Variants in PSMA3 observed in about 807,000 individuals in gnomAD.
The protein encoded by PSMA3 is proteasome subunit alpha type-3.
PSMA3 carries 8 observed loss-of-function variants against 40.0 expected under a neutral mutation model. That is an observed-to-expected ratio of 0.20 (90% CI 0.12 to 0.36). PSMA3 has a LOEUF of 0.36. Among genes scored for constraint, PSMA3 ranks in the 10% least tolerant of loss-of-function variants. The probability of loss-of-function intolerance (pLI) is 1.00; values close to 1 mark genes in which losing one functional copy is unlikely to be tolerated. For synonymous variants in PSMA3, 110 were observed against 100.0 expected (o/e 1.10, Z -0.59); for missense variants, 219 against 310.6 (o/e 0.70, Z 2.22).
chr14:58,255,222 T>C (rs1261206969), intron 3 of PSMA3, among the ~76,000 whole-genome samples: 1 of 152,122 alleles, frequency 6.6e-6, no homozygotes, highest in Non-Finnish European at 1.5e-5. Flanking sequence ...GTGAAAAATA[T>C]TTTTATTTAA....
chr14:58,257,637 T>C, intron 3 of PSMA3, 108 bp from the exon 4 acceptor site: 1 of 959,430 alleles, frequency 1.0e-6, no homozygotes, highest in Admixed American at 2.5e-5. Context: ...AAAGTTTATT[T>C]TGAATGGTAA....
chr14:58,261,118 C>T, intron 6 of PSMA3, 98 bp downstream of exon 6: 4 of 781,496 alleles, frequency 5.1e-6, no homozygotes, highest in South Asian at 1.9e-5. Context: ...TAAAAAAAAA[C>T]TCATTCAAGG....
rs1453354137 is a variant in PSMA3 at position 58,244,975 on chromosome 14, C to G, written c.21+34C>G. ...GCTGTCTGTCGGTGTAATAGTTTAACCTAAGGATTGGGGTTGAAGGGAACT... is the reference window on the plus strand; with the variant it reads ...GCTGTCTGTCGGTGTAATAGTTTAAGCTAAGGATTGGGGTTGAAGGGAACT... On this transcript the variant is annotated intron_variant, in intron 1 of 10. Coordinates refer to ENST00000216455, the MANE Select transcript of PSMA3 (RefSeq NM_002788.4). 2.5e-6 allele frequency: 4 copies of G among 1,613,920 alleles called. No individual in the cohort carries two copies. In the Admixed American group the frequency reaches 5.0e-5, roughly 20 times the overall value.
At chr14:58,256,682 G>A (rs142928654) in intron 3 of PSMA3, among the ~76,000 whole-genome samples, 1 of 151,812 alleles carries the variant, frequency 6.6e-6, no homozygotes, top group Non-Finnish European at 1.5e-5. Context: ...AAAGTGCTGG[G>A]ATTACAGGTG....
chr14:58,271,769 G>T (rs1890632584), intron 10 of PSMA3, 82 bp from the exon 11 acceptor site: 7 of 954,056 alleles, frequency 7.3e-6, no homozygotes, highest in Non-Finnish European at 1.2e-5. Flanking sequence ...CTTAATTCAG[G>T]TTGTTGTAGC....
chr14:58,252,134 C>T lies in PSMA3; in HGVS notation c.120C>T (p.Ile40=). The T allele has an allele frequency of 6.2e-7, 1 of 1,610,484 alleles. No individual in the cohort carries two copies. Among genetic ancestry groups the T allele is most frequent in the Non-Finnish European group, 8.5e-7 (1 of 1,178,838 alleles). The change falls in exon 3 of 11, where the codon ATC becomes ATT. Residue 40 remains isoleucine (I), a synonymous_variant. Transcript: ENST00000216455. The stretch of plus-strand genomic sequence containing the variant: ...CTTGTTTCAGTACAGCTATTGGAAT[C>T]AGATGCAAAGATGGTGTTGTCTTTG... The part of the protein sequence containing the change: ...AVENSSTAIG[I]RCKDGVVFGV...
intron 5 of PSMA3, among the ~76,000 whole-genome samples, chr14:58,259,806 G>C (rs545360459): frequency 6.6e-6 from 1 of 152,252 alleles, no homozygotes; most frequent in South Asian, 2.1e-4. Context: ...CACAGGAACT[G>C]GTATGAAAAT....
At chr14:58,251,066 T>C (rs1890000333) in intron 2 of PSMA3, among the ~76,000 whole-genome samples, 1 of 151,964 alleles carries the variant, frequency 6.6e-6, no homozygotes, top group Admixed American at 6.6e-5. Flanking sequence ...CAATTCAATC[T>C]TGGGCAGCAT....
At chr14:58,267,641 G>T in intron 8 of PSMA3, 121 bp downstream of exon 8, 2 of 1,269,868 alleles carry the variant, frequency 1.6e-6, no homozygotes, top group South Asian at 2.7e-5. Context: ...ATTTTTAGAA[G>T]GTAAATTTAA....
chr14:58,267,509 A>T lies in PSMA3; in HGVS notation c.579A>T (p.Glu193Asp). Reference protein sequence around the residue: ...KEMTCRDIVKEVAKIIYIVHD... With the variant: ...KEMTCRDIVKDVAKIIYIVHD... The stretch of plus-strand genomic sequence containing the variant: ...TGACCTGCCGTGATATCGTTAAAGA[A>T]GTTGCAAAAATGTAAGTTGAAATTT... Residue 193 changes from glutamate (E) to aspartate (D), a missense_variant, in exon 8 of 11, where the codon GAA becomes GAT. Physicochemically the swap from Glu to Asp is conservative, Grantham distance 45. Transcript: ENST00000216455. The T allele has an allele frequency of 6.3e-7, 1 of 1,576,432 alleles. No individual in the cohort carries two copies. The highest frequency in any genetic ancestry group is 8.6e-7 in the Non-Finnish European group (1 of 1,165,328).
rs113681201 is a variant in PSMA3, at chr14:58,262,518, GAGA to G, written c.478-1184_478-1182del. Among the ~76,000 whole-genome samples, 547 of 151,896 alleles carry G rather than the reference GAGA, an allele frequency of 3.6e-3. 6 individuals are homozygous for G. The highest frequency in any genetic ancestry group is 0.012 in the African/African-American group (484 of 41,464). ...ACCTTGCCCTGCCTTCCCTTTTAAAGAGAAGGTTTAAATGTGATTTCTAAGAGC... is the reference window on the plus strand; with the variant it reads ...ACCTTGCCCTGCCTTCCCTTTTAAAGAGGTTTAAATGTGATTTCTAAGAGC... On this transcript the variant is annotated intron_variant, in intron 6 of 10. Coordinates refer to ENST00000216455, the MANE Select transcript of PSMA3 (RefSeq NM_002788.4).
At chr14:58,260,838 T>C (rs975414526) in intron 5 of PSMA3, 110 bp from the exon 6 acceptor site, 32 of 679,234 alleles carry the variant, frequency 4.7e-5, no homozygotes, top group Non-Finnish European at 6.3e-5. Flanking sequence ...GTTATATGTG[T>C]ATTAGTAATT....
chr14:58,248,538 A>G (rs1220205808), intron 2 of PSMA3, among the ~76,000 whole-genome samples: 2 of 152,196 alleles, frequency 1.3e-5, no homozygotes, highest in African/African-American at 2.4e-5. Context: ...AAGAGCTGGG[A>G]TTATAGGCGT....
At chr14:58,253,040 A>T (rs1285497116) in intron 3 of PSMA3, among the ~76,000 whole-genome samples, 1 of 147,650 alleles carries the variant, frequency 6.8e-6, no homozygotes, top group African/African-American at 2.5e-5. Context: ...GCCGGAGTGC[A>T]GTGGCGCCAT....
intron 5 of PSMA3, 170 bp downstream of exon 5, chr14:58,258,168 T>C: frequency 1.8e-6 from 1 of 569,968 alleles, no homozygotes; most frequent in East Asian, 2.8e-5. Flanking sequence ...CTGGGTGCCA[T>C]GGCTCAAGCC....
intron 2 of PSMA3, among the ~76,000 whole-genome samples, chr14:58,248,863 T>G (rs1889937330): frequency 6.6e-6 from 1 of 152,066 alleles, no homozygotes; most frequent in South Asian, 2.1e-4. Context: ...CTTGGGAGGC[T>G]GAGGCAGGAG....
rs143807437 is a variant in PSMA3 at position 58,266,162 on chromosome 14, G to T, written c.544-1312G>T. Reference sequence around the variant, plus strand: ...TTGCCTTTAGTTGTACCCAAATAATGGTTTGTCTATTTCCTAAAAGTAGTA... The same window carrying T: ...TTGCCTTTAGTTGTACCCAAATAATTGTTTGTCTATTTCCTAAAAGTAGTA... On this transcript the variant is annotated intron_variant, in intron 7 of 10. Coordinates refer to ENST00000216455, the MANE Select transcript of PSMA3 (RefSeq NM_002788.4). 8 of 152,106 alleles carry T rather than the reference G, an allele frequency of 5.3e-5. No individual in the cohort carries two copies. In the East Asian group the frequency reaches 1.5e-3, roughly 29 times the overall value. The allele number at this position is 152,106 out of a possible 1,614,324, so 9.4% of individuals were successfully genotyped here. A position where few individuals can be genotyped will look rare whatever the true frequency, so the allele number is the denominator to read the frequency against.
At chr14:58,258,201 G>T (rs1890191196) in intron 5 of PSMA3, 10 of 492,114 alleles carry the variant, frequency 2.0e-5, no homozygotes, top group Non-Finnish European at 2.9e-5. Context: ...ACTTTGGGAG[G>T]TTGAGGTGGG....
At chr14:58,252,274 C>A in intron 3 of PSMA3, 32 bp downstream of exon 3, 2 of 1,593,048 alleles carry the variant, frequency 1.3e-6, no homozygotes, top group South Asian at 1.1e-5. Context: ...TCCTTTTTGT[C>A]TTGTCCAATT....
Sources: allele counts gnomAD v4.1 joint callset (sites outside exome capture counted in the v4.1 genomes callset), GRCh38; gene constraint gnomAD v4.1.1; transcripts MANE v1.5; gene names NCBI Gene and HGNC (gene_info 2026-07-23, HGNC 2026-07-21).